The following LDLRAD4 variants were observed in gnomAD, a reference collection of about 807,000 sequenced individuals.
LDLRAD4 encodes the protein low density lipoprotein receptor class A domain containing 4, also known as low-density lipoprotein receptor class A domain-containing protein 4.
LDLRAD4 carries 5 observed loss-of-function variants against 17.0 expected under a neutral mutation model. That is an observed-to-expected ratio of 0.29 (90% CI 0.15 to 0.62). The LOEUF (loss-of-function observed/expected upper bound fraction) is 0.62. Ranked by LOEUF, LDLRAD4 falls within the 20% of genes least tolerant of loss-of-function variation. The pLI, the probability that LDLRAD4 is intolerant of heterozygous loss-of-function variation, is 0.84. For missense variants in LDLRAD4, 340 were observed against 424.7 expected (o/e 0.80, Z 1.75); for synonymous variants, 168 against 171.8 (o/e 0.98, Z 0.17).
intron 3 of LDLRAD4, among the ~76,000 whole-genome samples, chr18:13,497,167 T>A (rs901622198): frequency 6.6e-6 from 1 of 152,146 alleles, no homozygotes; most frequent in African/African-American, 2.4e-5. Context: ...TTCCTTTTAT[T>A]TCAACTTAAA....
chr18:13,314,498 T>C lies in LDLRAD4; in HGVS notation c.-383+36310T>C, dbSNP rs964042315. On this transcript the variant is annotated intron_variant, in intron 1 of 5. Coordinates refer to ENST00000359446, the Ensembl canonical transcript of LDLRAD4. ...GACCGACATTCCCACGCAGTGATCT[T>C]GAAAAGCTGGACAGAGTACAAAAGA... 3.9e-5 allele frequency among the ~76,000 whole-genome samples: 6 copies of C among 152,334 alleles called. No individual in the cohort carries two copies. The South Asian group carries it at 1.0e-3, about 26-fold the overall frequency.
At chr18:13,619,188 C>T (rs759878449) in intron 3 of LDLRAD4, among the ~76,000 whole-genome samples, 3 of 152,116 alleles carry the variant, frequency 2.0e-5, no homozygotes, top group South Asian at 2.1e-4. Context: ...GTAGGGGCTC[C>T]GGACTCAGCC....
intron 3 of LDLRAD4, among the ~76,000 whole-genome samples, chr18:13,539,335 A>G (rs2094243203): frequency 6.6e-6 from 1 of 152,200 alleles, no homozygotes. Context: ...TTATTCAGGT[A>G]ATTGCTCAGT....
chr18:13,491,781 C>T (rs547303867), intron 3 of LDLRAD4, among the ~76,000 whole-genome samples: 10 of 152,294 alleles, frequency 6.6e-5, no homozygotes, highest in African/African-American at 2.2e-4. Context: ...AACAGATCTT[C>T]TGTTTCTCAC....
chr18:13,305,771 A>G (rs2146644748), intron 1 of LDLRAD4, among the ~76,000 whole-genome samples: 1 of 152,374 alleles, frequency 6.6e-6, no homozygotes, highest in East Asian at 1.9e-4. Context: ...TGAAGCCGTC[A>G]CTGCAGCTAT....
chr18:13,451,902 G>C (rs3848469), intron 3 of LDLRAD4, among the ~76,000 whole-genome samples: 109,627 of 152,186 alleles, frequency 0.72, 42,121 homozygotes, highest in South Asian at 0.86. Flanking sequence ...TATGACTTTG[G>C]GGGTGGGGAG....
Position 13,474,057 on chromosome 18 carries a change from T to C in LDLRAD4, c.181+35673T>C, listed in dbSNP as rs372252045. ...CTCATGAGGTTCGGTTGTTTGAAAG[T>C]GTGCAGAACCCGCCTCGTGCTCTTT... On this transcript the variant is annotated intron_variant, in intron 3 of 5. Transcript: ENST00000359446. Among the ~76,000 whole-genome samples the C allele has an allele frequency of 2.6e-4, 40 of 152,126 alleles. No homozygotes were observed. The East Asian group carries it at 6.8e-3, about 26-fold the overall frequency.
intron 1 of LDLRAD4, among the ~76,000 whole-genome samples, chr18:13,222,614 C>T (rs2041522991): frequency 1.3e-5 from 2 of 152,220 alleles, no homozygotes; most frequent in Non-Finnish European, 2.9e-5. Context: ...CATGCAGCTG[C>T]GCAGAGGGCC....
rs116044973 is a variant in LDLRAD4, at chr18:13,526,887, C to T, written c.181+88503C>T. The stretch of plus-strand genomic sequence containing the variant: ...TCCTCTCCTCCTCTCTTCCCCTTCT[C>T]TTCCTCCCTTCCTCCTTCCCTCACT... On this transcript the variant is annotated intron_variant, in intron 3 of 5. Transcript: ENST00000359446. 8.1e-3 allele frequency among the ~76,000 whole-genome samples: 1,233 copies of T among 152,312 alleles called. 20 individuals are homozygous for T. Among genetic ancestry groups the T allele is most frequent in the African/African-American group, 0.028 (1,183 of 41,568 alleles).
chr18:13,596,630 A>G (rs554761075), intron 3 of LDLRAD4, among the ~76,000 whole-genome samples: 4 of 152,288 alleles, frequency 2.6e-5, no homozygotes, highest in African/African-American at 4.8e-5. Flanking sequence ...TTACAAACCT[A>G]ACAATACATT....
intron 1 of LDLRAD4, among the ~76,000 whole-genome samples, chr18:13,377,075 A>G (rs1449191317): frequency 6.6e-6 from 1 of 152,308 alleles, no homozygotes; most frequent in South Asian, 2.1e-4. Flanking sequence ...CTGAAGGTGC[A>G]TCGAGTCGGG....
At chr18:13,594,892 A>G (rs2095076147) in intron 3 of LDLRAD4, among the ~76,000 whole-genome samples, 1 of 152,100 alleles carries the variant, frequency 6.6e-6, no homozygotes, top group African/African-American at 2.4e-5. Context: ...GGGAAGTTTT[A>G]AAGTTACTAA....
chr18:13,290,275 A>G (rs969494906), intron 1 of LDLRAD4, among the ~76,000 whole-genome samples: 1 of 152,216 alleles, frequency 6.6e-6, no homozygotes, highest in African/African-American at 2.4e-5. Flanking sequence ...GGTTTTCCAT[A>G]GAAAAGTATC....
At chr18:13,575,551 G>A (rs1476704544) in intron 3 of LDLRAD4, among the ~76,000 whole-genome samples, 1 of 152,134 alleles carries the variant, frequency 6.6e-6, no homozygotes, top group African/African-American at 2.4e-5. Context: ...TATCTTTTTC[G>A]TATAATGACT....
At chr18:13,526,630 A>G (rs1033355770) in intron 3 of LDLRAD4, 1 of 152,218 alleles carries the variant, frequency 6.6e-6, no homozygotes, top group Admixed American at 6.5e-5. Context: ...ATTTGATCCT[A>G]GTCAGAGCAA....
At position 13,645,386 on chromosome 18, in the gene LDLRAD4, AT is replaced by A. The variant is rs764100943; in HGVS notation, c.653del (p.Leu218Ter). 1 of 1,614,184 alleles carries A rather than the reference AT, an allele frequency of 6.2e-7. No individual in the cohort carries two copies. The highest frequency in any genetic ancestry group is 1.1e-5 in the South Asian group (1 of 91,078). On this transcript the variant is annotated frameshift_variant, in exon 6 of 6. Transcript: ENST00000359446. LOFTEE classifies it low-confidence loss of function (END_TRUNC). The surrounding 1 kb of genome is among the most constrained non-coding windows in gnomAD (Gnocchi z 5.7). ...CCCAACCGAACCATATTTGACAGTG[AT>A]TTAATAGACATTGCTATGTATAGCG...
At chr18:13,459,371 G>GTTTTTTTTTTTTT (rs71366053) in intron 3 of LDLRAD4, among the ~76,000 whole-genome samples, 1 of 148,106 alleles carries the variant, frequency 6.8e-6, no homozygotes. Flanking sequence ...AACATTTGGT[G>GTTTTTTTTTTTTT]TTTTTTTTTT....
At chr18:13,464,416 ATT>A (rs939268954) in intron 3 of LDLRAD4, among the ~76,000 whole-genome samples, 1 of 152,172 alleles carries the variant, frequency 6.6e-6, no homozygotes, top group Non-Finnish European at 1.5e-5. Context: ...GGCATTGCAT[ATT>A]TTCATTTCTG....
chr18:13,314,297 A>G (rs2080815269), intron 1 of LDLRAD4, among the ~76,000 whole-genome samples: 1 of 152,236 alleles, frequency 6.6e-6, no homozygotes, highest in Non-Finnish European at 1.5e-5. Context: ...ATATTTTACA[A>G]ATAAGAAGTA....
Sources: allele counts gnomAD v4.1 joint callset (sites outside exome capture counted in the v4.1 genomes callset), GRCh38; gene constraint gnomAD v4.1.1; non-coding constraint Gnocchi (gnomAD v3.1); transcripts MANE v1.5; gene names NCBI Gene and HGNC (gene_info 2026-07-23, HGNC 2026-07-21).